The following MMP17 variants were observed in gnomAD, a reference collection of about 807,000 sequenced individuals.
MMP17 encodes the protein matrix metalloproteinase-17.
In MMP17, 54 loss-of-function variants were observed where a neutral mutation model predicts 49.1. The ratio of observed to expected loss-of-function variants is 1.10; its 90% CI spans 0.88 to 1.38. The LOEUF is 1.38. Among genes scored for constraint, MMP17 ranks in the 40% most tolerant of loss-of-function variants. The pLI is 0.00. For synonymous variants in MMP17, 397 were observed against 383.1 expected (o/e 1.04, Z -0.42); for missense variants, 837 against 853.7 (o/e 0.98, Z 0.24).
In MMP17 at chr12:131,845,595, A is replaced by G. The variant is rs965303804; in HGVS notation, c.1204+146A>G. The G allele has an allele frequency of 2.7e-6, 3 of 1,115,634 alleles. No individual in the cohort carries two copies. In the African/African-American group the frequency reaches 4.7e-5, roughly 18 times the overall value. 69.1% of individuals were successfully genotyped at this position (1,115,634 alleles called of 1,614,324 possible). On this transcript the variant is annotated intron_variant, in intron 8 of 9. Coordinates refer to ENST00000360564, the MANE Select transcript of MMP17 (RefSeq NM_016155.7). ...GAGCAGCTGGTTTGCTTGTGCACTC[A>G]GCAGATGCACTCTGAGCACCTACTG... is the stretch of plus-strand genomic sequence containing the variant.
At chr12:131,849,132 T>A (rs565930358) in intron 8 of MMP17, among the ~76,000 whole-genome samples, 29 of 152,190 alleles carry the variant, frequency 1.9e-4, no homozygotes, top group African/African-American at 7.0e-4. Context: ...TTTGAGGGCG[T>A]TTCTAGTGAC....
chr12:131,840,609 C>CG lies in MMP17; in HGVS notation c.460dup (p.Asp154GlyfsTer42). ...TCCCACGGGACTCACCACTGGGGCACGACACGGTGCGTGCACTCATGTACT... is the reference window on the plus strand; with the variant it reads ...TCCCACGGGACTCACCACTGGGGCACGGACACGGTGCGTGCACTCATGTACT... On this transcript the variant is annotated frameshift_variant, in exon 4 of 10. Coordinates refer to ENST00000360564, the MANE Select transcript of MMP17 (RefSeq NM_016155.7). LOFTEE classifies it high-confidence loss of function. 2 of 1,603,108 alleles carry CG rather than the reference C, an allele frequency of 1.2e-6. No individual in the cohort carries two copies. Among genetic ancestry groups the CG allele is most frequent in the Non-Finnish European group, 1.7e-6 (2 of 1,175,256 alleles).
rs764780701 is a variant in MMP17 at position 131,838,285 on chromosome 12, G to A, written c.250G>A (p.Ala84Thr). The change falls in exon 2 of 10, where the codon GCC becomes ACC. Residue 84 changes from alanine to threonine, a missense_variant. Transcript: ENST00000360564. ...AGAGGAGCTGTCTAAGGCCATCACA[G>A]CCATGCAGCAGTTTGGTGGCCTGGA... The part of the protein sequence containing the change: ...TQEELSKAIT[A>T]MQQFGGLEAT... 19 of 1,613,164 alleles carry A rather than the reference G, an allele frequency of 1.2e-5. No homozygotes were observed. The highest frequency in any genetic ancestry group is 1.5e-5 in the Non-Finnish European group (18 of 1,179,990).
chr12:131,850,752 G>A (rs1163052444), intron 9 of MMP17, among the ~76,000 whole-genome samples, 173 bp from the exon 10 acceptor site: 1 of 143,728 alleles, frequency 7.0e-6, no homozygotes, highest in Non-Finnish European at 1.5e-5. Context: ...CCCCCCACCA[G>A]CCGTCTGGTC....
chr12:131,846,262 C>T lies in MMP17; in HGVS notation c.1204+813C>T, dbSNP rs922648293. 6.6e-6 allele frequency among the ~76,000 whole-genome samples: 1 copy of T among 152,224 alleles called. No individual in the cohort carries two copies. Among genetic ancestry groups the T allele is most frequent in the African/African-American group, 2.4e-5 (1 of 41,458 alleles). On this transcript the variant is annotated intron_variant, in intron 8 of 9. Transcript: ENST00000360564. This position sits in a 1 kb window ranked among gnomAD's most constrained non-coding sequence, Gnocchi z 4.6. ...ATCCAGTGTCACCCTCAGCCACATC[C>T]CTCCTGCCACCGCCTCTGTCTCCAC...
At chr12:131,848,080 A>T (rs1887796608) in intron 8 of MMP17, among the ~76,000 whole-genome samples, 1 of 151,834 alleles carries the variant, frequency 6.6e-6, no homozygotes, top group East Asian at 1.9e-4. Flanking sequence ...TTTTATTTTT[A>T]ATTTTATTTT....
At chr12:131,840,356 C>A in intron 3 of MMP17, 1 of 529,632 alleles carries the variant, frequency 1.9e-6, no homozygotes, top group Admixed American at 3.3e-5. Flanking sequence ...TCTCAGCCTG[C>A]CTGGGCTCTC....
In MMP17 at chr12:131,851,233, C is replaced by T; in HGVS notation, c.1771C>T (p.Pro591Ser). Residue 591 changes from proline (P) to serine (S), a missense_variant, in exon 10 of 10, where the codon CCA (proline) becomes TCA (serine). Transcript: ENST00000360564. ...GCTGCTGCTGCTGCCGCCACTGTCA[C>T]CAGGCGCCCTGTGGACAGCGGCCCA... ...TMLLLLPPLSPGALWTAAQAL... is the reference protein window; with the variant it reads ...TMLLLLPPLSSGALWTAAQAL... 1.4e-6 allele frequency: 2 copies of T among 1,451,324 alleles called. No individual in the cohort carries two copies. Among genetic ancestry groups the T allele is most frequent in the Non-Finnish European group, 9.1e-7 (1 of 1,099,272 alleles). The allele number at this position is 1,451,324 out of a possible 1,614,324, so 89.9% of individuals were successfully genotyped here.
rs79675814 is a variant in MMP17 at position 131,841,398 on chromosome 12, G to A, written c.707-226G>A. On this transcript the variant is annotated intron_variant, in intron 4 of 9. Coordinates refer to ENST00000360564, the MANE Select transcript of MMP17 (RefSeq NM_016155.7). ...CCTTATGCAGAAAAGGTTATCAGCC[G>A]CTCCATGAATGGTACAAAGACCCCA... Among the ~76,000 whole-genome samples the A allele has an allele frequency of 6.9e-3, 1,057 of 152,264 alleles. 6 individuals carry two copies. The highest frequency in any genetic ancestry group is 0.012 in the Non-Finnish European group (784 of 68,020).
intron 5 of MMP17, 86 bp from the exon 6 acceptor site, chr12:131,843,911 A>G (rs1887554406): frequency 2.0e-6 from 2 of 1,006,496 alleles, no homozygotes; most frequent in Admixed American, 5.7e-5. Context: ...CCTCGGTTTC[A>G]TCCCTGGGAT....
At chr12:131,847,880 CCT>C (rs1887788982) in intron 8 of MMP17, among the ~76,000 whole-genome samples, 1 of 152,152 alleles carries the variant, frequency 6.6e-6, no homozygotes, top group African/African-American at 2.4e-5. Flanking sequence ...CCCTGCTCCC[CCT>C]CTGTCCCCTG....
chr12:131,838,672 T>A lies in MMP17; in HGVS notation c.353T>A (p.Leu118Gln), dbSNP rs749332087. Residue 118 changes from leucine to glutamine, a missense_variant, in exon 3 of 10, where the codon CTG (leucine) becomes CAG (glutamine). Coordinates refer to ENST00000360564, the MANE Select transcript of MMP17 (RefSeq NM_016155.7). ...TGCTCCCTGCCAGACCTCCCTGTCC[T>A]GACCCAGGCTCGCAGGAGACGCCAG... ...PRCSLPDLPV[L>Q]TQARRRRQAP... 1.9e-6 allele frequency: 3 copies of A among 1,610,404 alleles called. No individual in the cohort carries two copies. The highest frequency in any genetic ancestry group is 1.7e-5 in the Admixed American group (1 of 59,832).
At chr12:131,840,385 T>G in intron 3 of MMP17, 188 bp from the exon 4 acceptor site, 1 of 575,060 alleles carries the variant, frequency 1.7e-6, no homozygotes, top group Non-Finnish European at 3.0e-6. Context: ...CCCTCCGTCA[T>G]CTATCCCAGT....
At chr12:131,845,986 G>T (rs10902456) in intron 8 of MMP17, among the ~76,000 whole-genome samples, 44,995 of 152,018 alleles carry the variant, frequency 0.3, 6,819 homozygotes, top group Non-Finnish European at 0.31. Context: ...GGTCGGCCCC[G>T]GTGCCCACCG....
chr12:131,835,505 G>A (rs1460670523), intron 1 of MMP17, among the ~76,000 whole-genome samples: 1 of 152,238 alleles, frequency 6.6e-6, no homozygotes, highest in Non-Finnish European at 1.5e-5. Context: ...GGGGACCAGA[G>A]TGGGGGGTGC....
chr12:131,838,358 G>A (rs765247298), intron 2 of MMP17, 31 bp downstream of exon 2: 51 of 1,607,274 alleles, frequency 3.2e-5, no homozygotes, highest in Middle Eastern at 3.6e-4. Flanking sequence ...CGGGAGCGCC[G>A]TGGCCCCCGT....
chr12:131,838,470 C>A, intron 2 of MMP17, 142 bp from the exon 3 acceptor site: 1 of 1,446,704 alleles, frequency 6.9e-7, no homozygotes, highest in Non-Finnish European at 9.2e-7. Context: ...GAGCCTGGGG[C>A]TGGTCCCCCA....
chr12:131,849,254 C>T (rs767093133), intron 8 of MMP17, among the ~76,000 whole-genome samples: 7 of 152,144 alleles, frequency 4.6e-5, no homozygotes, highest in Admixed American at 1.3e-4. Flanking sequence ...GAGGCCAGGG[C>T]GGGCAAATCA....
intron 1 of MMP17, among the ~76,000 whole-genome samples, chr12:131,828,912 A>C (rs1886652078): frequency 6.6e-6 from 1 of 151,958 alleles, no homozygotes; most frequent in African/African-American, 2.4e-5. Flanking sequence ...CAGCCGCAGG[A>C]GCCCGTGGAG....
Sources: gnomAD v4.1 joint callset for allele counts (sites outside exome capture counted in the v4.1 genomes callset) on GRCh38, gnomAD v4.1.1 for gene constraint, Gnocchi (gnomAD v3.1) non-coding constraint, MANE v1.5 for transcripts, NCBI Gene and HGNC (gene_info 2026-07-23, HGNC 2026-07-21) for gene names.